Variants in GFI1 observed in about 807,000 individuals in gnomAD.
GFI1 encodes zinc finger protein Gfi-1.
In GFI1, 15 loss-of-function variants were observed where a neutral mutation model predicts 39.2. That is an observed-to-expected ratio of 0.38 (90% CI 0.26 to 0.59). The LOEUF (loss-of-function observed/expected upper bound fraction) is 0.59, where lower values mean the gene tolerates loss of function less well. Ranked by LOEUF, GFI1 falls within the 20% of genes least tolerant of loss-of-function variation. The pLI is 0.62. For synonymous variants in GFI1, 239 were observed against 254.3 expected (o/e 0.94, Z 0.57); for missense variants, 475 against 574.0 (o/e 0.83, Z 1.76).
chr1:92,481,952 T>TGTGTGTGCGCGC lies in GFI1; in HGVS notation c.299-865_299-864insGCGCGCACACAC, dbSNP rs200635146. On this transcript the variant is annotated intron_variant, in intron 3 of 6. Coordinates refer to ENST00000294702, the MANE Select transcript of GFI1 (RefSeq NM_005263.5). This position sits in a 1 kb window ranked among gnomAD's most constrained non-coding sequence, Gnocchi z 4.3. Reference sequence around the variant, plus strand: ...ATTTACAAATGTGTGTGTGTGTGTGTGCGCACAACACTCCAGTTCAGGCTG... The same window carrying TGTGTGTGCGCGC: ...ATTTACAAATGTGTGTGTGTGTGTGTGTGTGTGCGCGCGCGCACAACACTCCAGTTCAGGCTG... 6.7e-6 allele frequency among the ~76,000 whole-genome samples: 1 copy of TGTGTGTGCGCGC among 148,802 alleles called. No individual in the cohort carries two copies. Among genetic ancestry groups the TGTGTGTGCGCGC allele is most frequent in the African/African-American group, 2.5e-5 (1 of 40,072 alleles).
Position 92,478,736 on chromosome 1 carries a change from ACAG to A in GFI1, c.939_941del (p.Cys314del). ...TCTTGAAGCTCTTCCCACAGATCTT[ACAG>A]TCAAAGCTCCGTTCCTGCAGAGAGA... On this transcript the variant is annotated inframe_deletion, in exon 6 of 7. Coordinates refer to ENST00000294702, the MANE Select transcript of GFI1 (RefSeq NM_005263.5). The A allele has an allele frequency of 6.2e-7, 1 of 1,602,934 alleles. No individual in the cohort carries two copies. The highest frequency in any genetic ancestry group is 1.1e-5 in the South Asian group (1 of 90,658).
chr1:92,483,369 G>C lies in GFI1; in HGVS notation c.115+4C>G, dbSNP rs772849128. The C allele has an allele frequency of 3.8e-6, 6 of 1,569,846 alleles. No homozygotes were observed. Among genetic ancestry groups the C allele is most frequent in the Non-Finnish European group, 5.3e-6 (6 of 1,141,552 alleles). On this transcript the variant is annotated splice_donor_region_variant and intron_variant, in intron 2 of 6. Coordinates refer to ENST00000294702, the MANE Select transcript of GFI1 (RefSeq NM_005263.5). ...GCCCCGCCTGGCCCGCGCGCGCCTCGCACCTGCTCGGCTAGGCGCCGGTAC... is the reference window on the plus strand; with the variant it reads ...GCCCCGCCTGGCCCGCGCGCGCCTCCCACCTGCTCGGCTAGGCGCCGGTAC...
In GFI1 at chr1:92,485,864, GC is replaced by G. The variant is rs1658503179; in HGVS notation, c.-100+861del. 5 of 152,252 alleles carry G rather than the reference GC, an allele frequency of 3.3e-5. No individual in the cohort carries two copies. In the South Asian group the frequency reaches 1.0e-3, roughly 31 times the overall value. 9.4% of individuals were successfully genotyped at this position (152,252 alleles called of 1,614,324 possible). ...GCGCGGGTCGCGCCCTAACCCAGCT[GC>G]CGGAGCTCTCTGGGCTCCCGCACGG... On this transcript the variant is annotated intron_variant, in intron 1 of 6. Transcript: ENST00000294702.
In GFI1 at chr1:92,481,959, A is replaced by AC. The variant is rs142757010; in HGVS notation, c.299-872_299-871insG. Among the ~76,000 whole-genome samples the AC allele has an allele frequency of 0.013, 1,934 of 150,780 alleles. 45 individuals are homozygous for AC. The highest frequency in any genetic ancestry group is 0.044 in the African/African-American group (1,797 of 40,946). ...AATGTGTGTGTGTGTGTGTGCGCACAACACTCCAGTTCAGGCTGGCCACTT... is the reference window on the plus strand; with the variant it reads ...AATGTGTGTGTGTGTGTGTGCGCACACACACTCCAGTTCAGGCTGGCCACTT... On this transcript the variant is annotated intron_variant, in intron 3 of 6. Coordinates refer to ENST00000294702, the MANE Select transcript of GFI1 (RefSeq NM_005263.5). This position sits in a 1 kb window ranked among gnomAD's most constrained non-coding sequence, Gnocchi z 4.3.
Position 92,480,820 on chromosome 1 carries a change from G to A in GFI1, c.567C>T (p.Ala189=). ...AGAPGSCSAG[A]GATAGPGLGL... ...CTAGGCCAGGGCCAGCGGTGGCACC[G>A]GCCCCTGCGCTGCAGCTCCCTGGCG... Residue 189 remains alanine, a synonymous_variant, in exon 4 of 7, where the codon GCC becomes GCT. Transcript: ENST00000294702. This position sits in a 1 kb window ranked among gnomAD's most constrained non-coding sequence, Gnocchi z 5.6. 6.4e-7 allele frequency: 1 copy of A among 1,567,880 alleles called. No individual in the cohort carries two copies. The highest frequency in any genetic ancestry group is 1.2e-5 in the South Asian group (1 of 85,908).
intron 1 of GFI1, among the ~76,000 whole-genome samples, chr1:92,486,240 A>C (rs1436146615): frequency 6.6e-6 from 1 of 152,136 alleles, no homozygotes; most frequent in South Asian, 2.1e-4. Context: ...TCCTTTGCGC[A>C]AGTGGCCAGG....
In GFI1 at chr1:92,481,398, C is replaced by G. The variant is rs1238508269; in HGVS notation, c.299-310G>C. ...AGGATCTTTTCTGGCTGGACCCGCG[C>G]ACCTGGAGATCCTACAGGGAAGGGC... On this transcript the variant is annotated intron_variant, in intron 3 of 6. Transcript: ENST00000294702. The surrounding 1 kb of genome is among the most constrained non-coding windows in gnomAD (Gnocchi z 4.3). 1.3e-5 allele frequency among the ~76,000 whole-genome samples: 2 copies of G among 152,200 alleles called. No individual in the cohort carries two copies. Among genetic ancestry groups the G allele is most frequent in the Middle Eastern group, 3.2e-3 (1 of 316 alleles).
At position 92,480,458 on chromosome 1, in the gene GFI1, C is replaced by G; in HGVS notation, c.814G>C (p.Val272Leu). ...CCGCTGTGGGACCTGCGCACGTGCA[C>G]CTCGAGCCCGTGCGGCGTGGAGAAC... ...KVFSTPHGLE[V>L]HVRRSHSGTR... The change falls in exon 5 of 7, where the codon GTG becomes CTG. Residue 272 changes from valine to leucine, a missense_variant. Around this residue, in one of 4 missense-constraint regions of GFI1, gnomAD observed 112 missense variants for 202.8 expected, o/e 0.55. Transcript: ENST00000294702. The surrounding 1 kb of genome is among the most constrained non-coding windows in gnomAD (Gnocchi z 5.6). 6.5e-7 allele frequency: 1 copy of G among 1,550,292 alleles called. No homozygotes were observed. Among genetic ancestry groups the G allele is most frequent in the Non-Finnish European group, 8.7e-7 (1 of 1,146,624 alleles).
chr1:92,479,277 C>A (rs889963822), intron 5 of GFI1, among the ~76,000 whole-genome samples: 2 of 152,212 alleles, frequency 1.3e-5, no homozygotes, highest in Non-Finnish European at 2.9e-5. Context: ...CACTTCTCCA[C>A]CCTCCTCAAC....
rs952239453 is a variant in GFI1, at chr1:92,483,562, T to C, written c.-75A>G. On this transcript the variant is annotated 5_prime_UTR_variant, in exon 2 of 7. Transcript: ENST00000294702. The stretch of plus-strand genomic sequence containing the variant: ...GTCACCCACGGTCACTCCGAGGGCT[T>C]GCTCAGCCCCAGCCCGGAGGAGACC... 11 of 852,674 alleles carry C rather than the reference T, an allele frequency of 1.3e-5. No individual in the cohort carries two copies. In the African/African-American group the frequency reaches 1.8e-4, roughly 14 times the overall value. 52.8% of individuals were successfully genotyped at this position (852,674 alleles called of 1,614,324 possible).
rs879897186 is a variant in GFI1, at chr1:92,486,916, GC to G, written c.-291del. ...GCCGGCTCTCGACCGGGTCCGCTCA[GC>G]CTTCGACTAATTTCCGGTGGTCGGA... On this transcript the variant is annotated 5_prime_UTR_variant, in exon 1 of 7. Transcript: ENST00000294702. 3.3e-5 allele frequency: 5 copies of G among 152,120 alleles called. No individual in the cohort carries two copies. Among genetic ancestry groups the G allele is most frequent in the African/African-American group, 4.8e-5 (2 of 41,446 alleles). The allele number at this position is 152,120 out of a possible 1,614,324, so 9.4% of individuals were successfully genotyped here.
At chr1:92,479,493 T>TA (rs1414399258) in intron 5 of GFI1, among the ~76,000 whole-genome samples, 10 of 152,220 alleles carry the variant, frequency 6.6e-5, no homozygotes, top group African/African-American at 2.2e-4. Context: ...CCTGATGTGT[T>TA]ATAAGATTCT....
In GFI1 at chr1:92,481,084, C is replaced by T. The variant is rs766935424; in HGVS notation, c.303G>A (p.Ser101=). Residue 101 remains serine (S), a synonymous_variant, in exon 4 of 7, where the codon TCG becomes TCA. Transcript: ENST00000294702. This position sits in a 1 kb window ranked among gnomAD's most constrained non-coding sequence, Gnocchi z 4.3. ...CCAGCGATGGGCACATTGACTTCTC[C>T]GAGGCTGTGGAGGCACAAGGGGAGC... is the stretch of plus-strand genomic sequence containing the variant. The part of the protein sequence containing the change: ...RPPSPSASPA[S]EKSMCPSLDE... The T allele has an allele frequency of 1.8e-5, 29 of 1,610,626 alleles. No homozygotes were observed. Among genetic ancestry groups the T allele is most frequent in the Non-Finnish European group, 2.5e-5 (29 of 1,178,444 alleles).
At chr1:92,479,692 G>C (rs777907169) in intron 5 of GFI1, among the ~76,000 whole-genome samples, 1 of 152,040 alleles carries the variant, frequency 6.6e-6, no homozygotes, top group Non-Finnish European at 1.5e-5. Flanking sequence ...TCTCTACTAA[G>C]AACACAAAAA....
In GFI1 at chr1:92,473,799, A is replaced by C. The variant is rs760301670; in HGVS notation, c.*2230T>G. ...AGCTTATTTTCTGTTTATTCACTTA[A>C]CATCTCAGTAAATATTTATTAATCT... On this transcript the variant is annotated 3_prime_UTR_variant, in exon 7 of 7. Transcript: ENST00000294702. Among the ~76,000 whole-genome samples, 1 of 152,200 alleles carries C rather than the reference A, an allele frequency of 6.6e-6. No individual in the cohort carries two copies. Among genetic ancestry groups the C allele is most frequent in the Non-Finnish European group, 1.5e-5 (1 of 68,038 alleles).
chr1:92,474,528 T>C lies in GFI1; in HGVS notation c.*1501A>G, dbSNP rs1446778979. Among the ~76,000 whole-genome samples the C allele has an allele frequency of 1.3e-5, 2 of 152,256 alleles. No homozygotes were observed. The highest frequency in any genetic ancestry group is 6.5e-5 in the Admixed American group (1 of 15,290). ...GCTCTACAAGGTAGTAGCTTAGTTT[T>C]GTACACCTCCTAGTTTTTCTCTTAT... On this transcript the variant is annotated 3_prime_UTR_variant, in exon 7 of 7. Transcript: ENST00000294702.
chr1:92,477,865 C>T (rs952271560), intron 6 of GFI1, among the ~76,000 whole-genome samples: 5 of 152,142 alleles, frequency 3.3e-5, no homozygotes, highest in African/African-American at 1.2e-4. Flanking sequence ...TTCTGTCTAC[C>T]AACCTCATGA....
rs72962657 is a variant in GFI1, at chr1:92,478,338, A to G, written c.1090+250T>C. Among the ~76,000 whole-genome samples the G allele has an allele frequency of 2.7e-3, 408 of 152,320 alleles. 1 individual carries two copies. Among genetic ancestry groups the G allele is most frequent in the African/African-American group, 8.8e-3 (364 of 41,572 alleles). On this transcript the variant is annotated intron_variant, in intron 6 of 6. Transcript: ENST00000294702. The stretch of plus-strand genomic sequence containing the variant: ...TAACCTAAAGGAAAATGTTCTTTCC[A>G]AGTATAGAGTACCTGTGAGCTGACC...
intron 6 of GFI1, among the ~76,000 whole-genome samples, chr1:92,476,995 C>T (rs1225377329): frequency 6.6e-6 from 1 of 152,118 alleles, no homozygotes; most frequent in Non-Finnish European, 1.5e-5. Flanking sequence ...TGTCTTGTTC[C>T]CCATCTCATG....
Sources: allele counts gnomAD v4.1 joint callset (sites outside exome capture counted in the v4.1 genomes callset), GRCh38; gene constraint gnomAD v4.1.1; regional missense constraint gnomAD v4.1.1; non-coding constraint Gnocchi (gnomAD v3.1); transcripts MANE v1.5; gene names NCBI Gene and HGNC (gene_info 2026-07-23, HGNC 2026-07-21).